The following RABGAP1 variants were observed in gnomAD, a reference collection of about 807,000 sequenced individuals.
The protein encoded by RABGAP1 is RAB GTPase activating protein 1.
In RABGAP1, 23 loss-of-function variants were observed where a neutral mutation model predicts 137.6. The observed-to-expected ratio is 0.17, with a 90% confidence interval of 0.12 to 0.24. RABGAP1 has a LOEUF of 0.24. Among genes scored for constraint, RABGAP1 ranks in the 10% least tolerant of loss-of-function variants. The pLI, the probability that RABGAP1 is intolerant of heterozygous loss-of-function variation, is 1.00. For missense variants in RABGAP1, 906 were observed against 1,275.8 expected (o/e 0.71, Z 4.42); for synonymous variants, 451 against 450.7 (o/e 1.00, Z -0.01).
At position 123,052,094 on chromosome 9, in the gene RABGAP1, C is replaced by T. The variant is rs550557664; in HGVS notation, c.1795-13254C>T. On this transcript the variant is annotated intron_variant, in intron 13 of 25. Transcript: ENST00000373647. ...TACTGGGATTACAGGCGTGAGCCACCACACCCAGCCACAAGAAAAGCATTT... is the reference window on the plus strand; with the variant it reads ...TACTGGGATTACAGGCGTGAGCCACTACACCCAGCCACAAGAAAAGCATTT... 1.6e-4 allele frequency among the ~76,000 whole-genome samples: 24 copies of T among 152,112 alleles called. No homozygotes were observed. In the South Asian group the frequency reaches 3.7e-3, roughly 24 times the overall value.
chr9:123,067,257 T>C (rs2034206449), intron 14 of RABGAP1, among the ~76,000 whole-genome samples: 1 of 152,256 alleles, frequency 6.6e-6, no homozygotes. Context: ...TTGAGTTAGA[T>C]ATGACTGATG....
chr9:123,046,048 C>T (rs568927993), intron 13 of RABGAP1, among the ~76,000 whole-genome samples: 1 of 152,198 alleles, frequency 6.6e-6, no homozygotes, highest in Non-Finnish European at 1.5e-5. Context: ...GTGCTTCCTT[C>T]TCTCAGGGAT....
At position 123,015,803 on chromosome 9, in the gene RABGAP1, A is replaced by G. The variant is rs545293276; in HGVS notation, c.1643+167A>G. Among the ~76,000 whole-genome samples, 3 of 152,360 alleles carry G rather than the reference A, an allele frequency of 2.0e-5. No individual in the cohort carries two copies. In the South Asian group the frequency reaches 6.2e-4, roughly 32 times the overall value. On this transcript the variant is annotated intron_variant, in intron 12 of 25. Coordinates refer to ENST00000373647, the MANE Select transcript of RABGAP1 (RefSeq NM_012197.4). Reference sequence around the variant, plus strand: ...ATATGAGTAAAAGTAGAGAATTGAAATCAATTTTCAGAATATCAGGAACCT... The same window carrying G: ...ATATGAGTAAAAGTAGAGAATTGAAGTCAATTTTCAGAATATCAGGAACCT...
intron 13 of RABGAP1, among the ~76,000 whole-genome samples, chr9:123,048,240 A>G (rs1215555124): frequency 6.6e-6 from 1 of 152,118 alleles, no homozygotes; most frequent in Non-Finnish European, 1.5e-5. Flanking sequence ...TGCCCAATCA[A>G]CTGCTGTATA....
intron 19 of RABGAP1, among the ~76,000 whole-genome samples, chr9:123,081,022 C>T (rs981094160): frequency 6.6e-6 from 1 of 152,168 alleles, no homozygotes; most frequent in Non-Finnish European, 1.5e-5. Context: ...ACCAACCCCT[C>T]TTCCTCCTCC....
At chr9:122,988,823 A>T (rs183255854) in intron 4 of RABGAP1, among the ~76,000 whole-genome samples, 70 of 151,920 alleles carry the variant, frequency 4.6e-4, no homozygotes, top group Non-Finnish European at 8.7e-4. Flanking sequence ...CATCCCTGTA[A>T]TCCCAGCTAC....
intron 6 of RABGAP1, among the ~76,000 whole-genome samples, chr9:122,993,071 G>A (rs1424693368): frequency 6.6e-6 from 1 of 151,798 alleles, no homozygotes; most frequent in Non-Finnish European, 1.5e-5. Flanking sequence ...AATATTAATA[G>A]CAAATTTTAA....
At chr9:123,094,842 G>T (rs572164920) in intron 21 of RABGAP1, among the ~76,000 whole-genome samples, 2 of 152,174 alleles carry the variant, frequency 1.3e-5, no homozygotes, top group Admixed American at 6.5e-5. Flanking sequence ...AATTTTTCGT[G>T]TGTCTGTTGT....
chr9:122,990,245 A>G (rs142256746), intron 6 of RABGAP1, 32 bp downstream of exon 6: 27 of 1,541,612 alleles, frequency 1.8e-5, no homozygotes, highest in Non-Finnish European at 2.3e-5. Flanking sequence ...ATGTATTAAC[A>G]TGCTGTGGTT....
chr9:123,058,444 C>A (rs1418399048), intron 13 of RABGAP1, among the ~76,000 whole-genome samples: 2 of 152,080 alleles, frequency 1.3e-5, no homozygotes, highest in Non-Finnish European at 1.5e-5. Context: ...TGGTAAAATT[C>A]TTCTTTTTCC....
intron 13 of RABGAP1, among the ~76,000 whole-genome samples, chr9:123,060,493 A>G (rs1293309930): frequency 6.6e-6 from 1 of 152,216 alleles, no homozygotes; most frequent in Admixed American, 6.5e-5. Flanking sequence ...TTGGGCTATT[A>G]CACATGAGGG....
chr9:123,020,383 G>A lies in RABGAP1; in HGVS notation c.1718G>A (p.Gly573Glu). ...AACGGTGTCCCTGAAGCTCTTCGAGGAGAAGTCTGGCAGCTGCTAGCAGGC... is the reference window on the plus strand; with the variant it reads ...AACGGTGTCCCTGAAGCTCTTCGAGAAGAAGTCTGGCAGCTGCTAGCAGGC... ...VRNGVPEALR[G>E]EVWQLLAGCH... Residue 573 changes from glycine (G) to glutamate (E), a missense_variant, in exon 13 of 26, where the codon GGA becomes GAA. Gly to Glu is a moderately conservative substitution (Grantham distance 98). Transcript: ENST00000373647. 1 of 1,607,408 alleles carries A rather than the reference G, an allele frequency of 6.2e-7. No individual in the cohort carries two copies. Among genetic ancestry groups the A allele is most frequent in the Non-Finnish European group, 8.5e-7 (1 of 1,176,660 alleles).
rs774267585 is a variant in RABGAP1, at chr9:123,103,214, G to A, written c.*1G>A. The A allele has an allele frequency of 1.2e-6, 2 of 1,613,666 alleles. No individual in the cohort carries two copies. The highest frequency in any genetic ancestry group is 2.2e-5 in the South Asian group (2 of 90,984). On this transcript the variant is annotated 3_prime_UTR_variant, in exon 26 of 26. Coordinates refer to ENST00000373647, the MANE Select transcript of RABGAP1 (RefSeq NM_012197.4). ...GGTTCAAGGGAAAGAGACTTGCTGA[G>A]AGCAGCTGCCGCCTCCCGACACCTT... is the stretch of plus-strand genomic sequence containing the variant.
In RABGAP1 at chr9:122,976,191, TA is replaced by T. The variant is rs200849841; in HGVS notation, c.151-8291del. Reference sequence around the variant, plus strand: ...TATGTTTACAGTAGCTGCTAAATGCTAAATTGGCCTTTTTATGTTTATTGTT... The same window carrying T: ...TATGTTTACAGTAGCTGCTAAATGCTAATTGGCCTTTTTATGTTTATTGTT... On this transcript the variant is annotated intron_variant, in intron 2 of 25. Coordinates refer to ENST00000373647, the MANE Select transcript of RABGAP1 (RefSeq NM_012197.4). Among the ~76,000 whole-genome samples, 1,476 of 152,366 alleles carry T rather than the reference TA, an allele frequency of 9.7e-3. 29 individuals carry two copies. The highest frequency in any genetic ancestry group is 0.034 in the African/African-American group (1,405 of 41,586).
intron 12 of RABGAP1, among the ~76,000 whole-genome samples, chr9:123,018,913 TC>T (rs1203004348): frequency 6.6e-6 from 1 of 152,226 alleles, no homozygotes. Flanking sequence ...ATGGTGGCTC[TC>T]AAGTCACAAA....
intron 2 of RABGAP1, among the ~76,000 whole-genome samples, chr9:122,982,285 T>C (rs903269435): frequency 4.6e-5 from 7 of 152,220 alleles, no homozygotes; most frequent in African/African-American, 1.7e-4. Flanking sequence ...GTTCTTATGT[T>C]TATAAAATTT....
At chr9:122,943,341 T>G (rs1204487916) in intron 1 of RABGAP1, among the ~76,000 whole-genome samples, 1 of 152,110 alleles carries the variant, frequency 6.6e-6, no homozygotes, top group Non-Finnish European at 1.5e-5. Context: ...AGTGCAGGGA[T>G]TACAGGCGTG....
intron 13 of RABGAP1, chr9:123,062,087 G>C (rs982783101): frequency 6.6e-6 from 1 of 152,326 alleles, no homozygotes; most frequent in Middle Eastern, 3.4e-3. Context: ...GACCAACGTG[G>C]AGAAAACCCG....
chr9:122,941,812 G>T (rs926440302), intron 1 of RABGAP1, among the ~76,000 whole-genome samples: 6 of 152,248 alleles, frequency 3.9e-5, no homozygotes, highest in Non-Finnish European at 5.9e-5. Context: ...TAGTACTTTG[G>T]TCTCTGCTCT....
Sources: allele counts gnomAD v4.1 joint callset (sites outside exome capture counted in the v4.1 genomes callset), GRCh38; gene constraint gnomAD v4.1.1; transcripts MANE v1.5; gene names NCBI Gene and HGNC (gene_info 2026-07-23, HGNC 2026-07-21).